The following PCDHA1 variants were observed in gnomAD, a reference collection of about 807,000 sequenced individuals.
PCDHA1 encodes protocadherin alpha-1.
PCDHA1 carries 42 observed loss-of-function variants against 61.3 expected under a neutral mutation model. That is an observed-to-expected ratio of 0.69 (90% CI 0.54 to 0.89). The LOEUF (loss-of-function observed/expected upper bound fraction) is 0.89. Ranked by LOEUF, PCDHA1 falls within the 40% of genes least tolerant of loss-of-function variation. The pLI is 0.00. For synonymous variants in PCDHA1, 610 were observed against 553.8 expected (o/e 1.10, Z -1.43); for missense variants, 1,256 against 1,235.3 (o/e 1.02, Z -0.25).
intron 1 of PCDHA1, chr5:140,858,504 C>A: frequency 4.8e-6 from 7 of 1,454,340 alleles, no homozygotes; most frequent in Non-Finnish European, 6.6e-6. Flanking sequence ...CGCATTTTCT[C>A]AAATATGTAT....
chr5:141,007,812 G>C (rs1446053616), intron 3 of PCDHA1, among the ~76,000 whole-genome samples: 2 of 152,078 alleles, frequency 1.3e-5, no homozygotes, highest in Non-Finnish European at 2.9e-5. Context: ...CCATTCATTT[G>C]CCTTCCCCCA....
chr5:140,927,027 G>A (rs1554203924), intron 1 of PCDHA1: 3 of 1,612,328 alleles, frequency 1.9e-6, no homozygotes, highest in Non-Finnish European at 1.7e-6. Context: ...ACTTGAGGCT[G>A]CCAGCGGCCG....
chr5:140,927,529 C>G, intron 1 of PCDHA1: 2 of 1,614,098 alleles, frequency 1.2e-6, no homozygotes, highest in South Asian at 1.1e-5. Flanking sequence ...GCTACCTGCC[C>G]GCTCAGGAGA....
At chr5:140,869,378 G>T in intron 1 of PCDHA1, 3 of 1,614,168 alleles carry the variant, frequency 1.9e-6, no homozygotes, top group East Asian at 2.2e-5. Flanking sequence ...CGGATCGACC[G>T]CGAGGAGCTG....
At chr5:140,801,368 G>C in intron 1 of PCDHA1, 1 of 1,613,492 alleles carries the variant, frequency 6.2e-7, no homozygotes, top group South Asian at 1.1e-5. Flanking sequence ...TGGAGCTGGC[G>C]GAGCTGGTGC....
chr5:140,929,024 C>T, intron 1 of PCDHA1: 1 of 1,614,172 alleles, frequency 6.2e-7, no homozygotes, highest in Non-Finnish European at 8.5e-7. Context: ...CACCAGAGCC[C>T]AGGCTGTTGC....
At chr5:140,880,064 G>C (rs967410421) in intron 1 of PCDHA1, among the ~76,000 whole-genome samples, 2 of 152,148 alleles carry the variant, frequency 1.3e-5, no homozygotes, top group African/African-American at 2.4e-5. Context: ...ACTTTTTGGG[G>C]ACCACAATTC....
rs56843453 is a variant in PCDHA1 at position 141,000,391 on chromosome 5, C to A, written c.2543-9236C>A. Reference sequence around the variant, plus strand: ...TCTCTCTCTCTCTCTCTCTCTCTCTCTCTCTATATATATATATATATATAT... The same window carrying A: ...TCTCTCTCTCTCTCTCTCTCTCTCTATCTCTATATATATATATATATATAT... On this transcript the variant is annotated intron_variant, in intron 3 of 3. Transcript: ENST00000504120. Among the ~76,000 whole-genome samples the A allele has an allele frequency of 8.6e-3, 487 of 56,544 alleles. 1 individual carries two copies. Among genetic ancestry groups the A allele is most frequent in the Non-Finnish European group, 9.4e-3 (310 of 32,842 alleles). The allele number at this position is 56,544 out of a possible 152,430, so 37.1% of individuals were successfully genotyped here.
chr5:140,907,365 G>A (rs782137145), intron 1 of PCDHA1, among the ~76,000 whole-genome samples: 20 of 152,178 alleles, frequency 1.3e-4, no homozygotes, highest in African/African-American at 2.4e-4. Flanking sequence ...TTCTTTAGTC[G>A]TAAAGTGAGT....
intron 1 of PCDHA1, chr5:140,809,389 G>A (rs781832159): frequency 2.5e-6 from 4 of 1,614,058 alleles, no homozygotes; most frequent in East Asian, 4.5e-5. Flanking sequence ...CGTGCGCTCC[G>A]GGCAAGCCCA....
intron 1 of PCDHA1, among the ~76,000 whole-genome samples, chr5:140,945,974 A>C (rs887994156): frequency 6.6e-5 from 10 of 152,146 alleles, no homozygotes; most frequent in African/African-American, 2.2e-4. Flanking sequence ...AATAAAAGCA[A>C]AAATAGACTA....
chr5:140,808,135 T>A (rs1202926318), intron 1 of PCDHA1: 4 of 1,613,910 alleles, frequency 2.5e-6, no homozygotes, highest in Non-Finnish European at 3.4e-6. Context: ...GCAAATCCTA[T>A]GAAATTATTG....
intron 3 of PCDHA1, among the ~76,000 whole-genome samples, chr5:140,988,083 G>A (rs957131929): frequency 1.3e-5 from 2 of 152,292 alleles, no homozygotes; most frequent in Middle Eastern, 3.4e-3. Context: ...TCATGAGTGA[G>A]TGCAGCCTCG....
At chr5:140,819,152 A>C (rs76356631) in intron 1 of PCDHA1, among the ~76,000 whole-genome samples, 1 of 152,204 alleles carries the variant, frequency 6.6e-6, no homozygotes, top group Non-Finnish European at 1.5e-5. Context: ...TAATTTTTAT[A>C]CAGAATTAAT....
At chr5:140,883,959 C>T (rs782366148) in intron 1 of PCDHA1, 4 of 1,613,092 alleles carry the variant, frequency 2.5e-6, no homozygotes, top group Admixed American at 3.3e-5. Context: ...AACGCTCCGG[C>T]GCTGCTGACG....
At chr5:140,824,754 C>T (rs2150137148) in intron 1 of PCDHA1, 4 of 151,544 alleles carry the variant, frequency 2.6e-5, no homozygotes, top group Non-Finnish European at 4.4e-5. Flanking sequence ...GCAAGAGTGC[C>T]TGGCCTATAA....
At chr5:140,822,634 G>A (rs2150117957) in intron 1 of PCDHA1, 25 of 1,610,648 alleles carry the variant, frequency 1.6e-5, no homozygotes, top group Non-Finnish European at 2.1e-5. Flanking sequence ...TGTTCTTGAC[G>A]ATGTAAAGTC....
chr5:140,980,877 C>T (rs1321284538), intron 2 of PCDHA1, among the ~76,000 whole-genome samples: 9 of 152,186 alleles, frequency 5.9e-5, no homozygotes, highest in African/African-American at 1.7e-4. Flanking sequence ...TGGGTGTTCT[C>T]GGTCTTTCCA....
At chr5:140,967,524 A>G in intron 1 of PCDHA1, 1 of 1,612,564 alleles carries the variant, frequency 6.2e-7, no homozygotes, top group Non-Finnish European at 8.5e-7. Context: ...ACTAACGACA[A>G]CTCTCCTGCC....
Sources: gnomAD v4.1 joint callset for allele counts (sites outside exome capture counted in the v4.1 genomes callset) on GRCh38, gnomAD v4.1.1 for gene constraint, MANE v1.5 for transcripts, NCBI Gene and HGNC (gene_info 2026-07-23, HGNC 2026-07-21) for gene names.